ARFGEF3: variants seen among roughly 807,000 people sequenced by gnomAD.
The protein encoded by ARFGEF3 is ARFGEF family member 3.
Under a neutral mutation model 221.7 loss-of-function variants are expected in ARFGEF3, and 96 were observed. The ratio of observed to expected loss-of-function variants is 0.43; its 90% CI spans 0.37 to 0.51. ARFGEF3 has a LOEUF of 0.51. ARFGEF3 is among the 20% of genes least tolerant of loss of function. The pLI, the probability that ARFGEF3 is intolerant of heterozygous loss-of-function variation, is 0.00. For synonymous variants in ARFGEF3, 1,145 were observed against 1,126.8 expected, an observed-to-expected ratio of 1.02 and a Z score of -0.32; for missense variants, 2,410 against 2,789.9, an observed-to-expected ratio of 0.86 and a Z score of 3.07.
At chr6:138,213,601 T>C (rs1777777414) in intron 4 of ARFGEF3, among the ~76,000 whole-genome samples, 1 of 151,778 alleles carries the variant, frequency 6.6e-6, no homozygotes, top group Non-Finnish European at 1.5e-5. Flanking sequence ...ACAAATACCA[T>C]GATTTCACTC....
intron 12 of ARFGEF3, among the ~76,000 whole-genome samples, chr6:138,275,044 T>C (rs890551871): frequency 3.3e-5 from 5 of 151,804 alleles, no homozygotes; most frequent in African/African-American, 9.7e-5. Flanking sequence ...GAGGCAGAGG[T>C]TGCAGTGAGC....
Position 138,297,518 on chromosome 6 carries a change from G to A in ARFGEF3, c.3648+563G>A, listed in dbSNP as rs545093225. Among the ~76,000 whole-genome samples the A allele has an allele frequency of 2.0e-5, 3 of 152,312 alleles. No homozygotes were observed. In the East Asian group the frequency reaches 5.8e-4, roughly 29 times the overall value. On this transcript the variant is annotated intron_variant, in intron 21 of 33. Coordinates refer to ENST00000251691, the MANE Select transcript of ARFGEF3 (RefSeq NM_020340.5). ...GGACTGGCCACTTCCAAGTTGACAG[G>A]GAAAACTGTTGCCCTGCTTTGCAGT...
chr6:138,293,882 G>A, intron 19 of ARFGEF3, 111 bp from the exon 20 acceptor site: 1 of 1,064,618 alleles, frequency 9.4e-7, no homozygotes, highest in Non-Finnish European at 1.4e-6. Flanking sequence ...TGTCTACAGT[G>A]TTTACACAGC....
chr6:138,248,395 C>A (rs1186616473), intron 8 of ARFGEF3, among the ~76,000 whole-genome samples: 1 of 152,146 alleles, frequency 6.6e-6, no homozygotes, highest in Non-Finnish European at 1.5e-5. Context: ...CTGCTCCACC[C>A]CCAGGTCCTA....
intron 19 of ARFGEF3, 49 bp from the exon 20 acceptor site, chr6:138,293,944 C>G: frequency 6.3e-7 from 1 of 1,589,754 alleles, no homozygotes; most frequent in Non-Finnish European, 8.6e-7. Flanking sequence ...GCCATAAAGA[C>G]CTTGCTGAAT....
At chr6:138,210,125 T>C in intron 4 of ARFGEF3, 84 bp downstream of exon 4, 2 of 1,391,366 alleles carry the variant, frequency 1.4e-6, no homozygotes, top group South Asian at 2.7e-5. Context: ...AAAATGCCTC[T>C]GCGTTGTGGT....
intron 18 of ARFGEF3, among the ~76,000 whole-genome samples, chr6:138,290,284 C>G (rs950422300): frequency 6.6e-6 from 1 of 152,178 alleles, no homozygotes; most frequent in Non-Finnish European, 1.5e-5. Context: ...TAAGTGAATA[C>G]TGTGCAAATC....
Position 138,238,622 on chromosome 6 carries a change from G to A in ARFGEF3, c.534G>A (p.Gln178=), listed in dbSNP as rs752025936. The change falls in exon 6 of 34, where the codon CAG becomes CAA. Residue 178 remains glutamine (Q), a synonymous_variant. Coordinates refer to ENST00000251691, the MANE Select transcript of ARFGEF3 (RefSeq NM_020340.5). ...SDLTLQLRQR[Q]ENTIIENPDV... is the part of the protein sequence containing the mutation. ...TGACTTTACAGTTACGACAGAGGCA[G>A]GAGAATACGGTGAGTCTGTGACACC... The A allele has an allele frequency of 6.2e-7, 1 of 1,613,486 alleles. No individual in the cohort carries two copies. Among genetic ancestry groups the A allele is most frequent in the South Asian group, 1.1e-5 (1 of 91,022 alleles).
At chr6:138,285,729 G>A (rs1332934769) in intron 14 of ARFGEF3, among the ~76,000 whole-genome samples, 1 of 152,010 alleles carries the variant, frequency 6.6e-6, no homozygotes, top group Non-Finnish European at 1.5e-5. Flanking sequence ...ATAAAGATAG[G>A]CAACAATGTA....
intron 12 of ARFGEF3, among the ~76,000 whole-genome samples, chr6:138,271,678 G>T (rs551258112): frequency 1.3e-5 from 2 of 152,314 alleles, no homozygotes; most frequent in East Asian, 3.9e-4. Flanking sequence ...TCATTACACT[G>T]CACAGTACCA....
At chr6:138,233,205 A>T (rs1042393873) in intron 5 of ARFGEF3, among the ~76,000 whole-genome samples, 1 of 152,208 alleles carries the variant, frequency 6.6e-6, no homozygotes, top group Non-Finnish European at 1.5e-5. Flanking sequence ...ATTATATATA[A>T]CACATCAGAG....
At chr6:138,271,077 TTTGC>T (rs1778996225) in intron 12 of ARFGEF3, among the ~76,000 whole-genome samples, 1 of 151,964 alleles carries the variant, frequency 6.6e-6, no homozygotes, top group African/African-American at 2.4e-5. Flanking sequence ...AGGCTGAGAG[TTTGC>T]TTGCTTGCTT....
rs371607332 is a variant in ARFGEF3 at position 138,285,898 on chromosome 6, G to T, written c.2462-48G>T. Reference sequence around the variant, plus strand: ...TTGTGGTGGCCATTTGCTTGTTTTTGACTGGAGTGTTTTATTTAGGGAAAA... The same window carrying T: ...TTGTGGTGGCCATTTGCTTGTTTTTTACTGGAGTGTTTTATTTAGGGAAAA... On this transcript the variant is annotated intron_variant, in intron 14 of 33. Transcript: ENST00000251691. The T allele has an allele frequency of 4.8e-5, 54 of 1,132,618 alleles. 1 individual carries two copies. In the Middle Eastern group the frequency reaches 5.8e-4, roughly 12 times the overall value. The allele number at this position is 1,132,618 out of a possible 1,614,324, so 70.2% of individuals were successfully genotyped here. A position where few individuals can be genotyped will look rare whatever the true frequency, so the allele number is the denominator to read the frequency against.
At chr6:138,256,735 TA>T (rs1206956511) in intron 10 of ARFGEF3, among the ~76,000 whole-genome samples, 2 of 152,110 alleles carry the variant, frequency 1.3e-5, no homozygotes, top group East Asian at 1.9e-4. Context: ...ACTTCACATA[TA>T]TTTTTTTAAT....
chr6:138,259,087 T>C (rs1450917343), intron 10 of ARFGEF3, among the ~76,000 whole-genome samples: 2 of 152,166 alleles, frequency 1.3e-5, no homozygotes, highest in African/African-American at 4.8e-5. Context: ...CCCAAGGAGC[T>C]CAGCAGACTG....
rs994178569 is a variant in ARFGEF3, at chr6:138,323,851, A to G, written c.4869+78A>G. ...CCTGATCCCTTACCATGTTGGGCACATGGGTTCTGCCTCCTCTGAGCAGGC... is the reference window on the plus strand; with the variant it reads ...CCTGATCCCTTACCATGTTGGGCACGTGGGTTCTGCCTCCTCTGAGCAGGC... On this transcript the variant is annotated intron_variant, in intron 30 of 33. Transcript: ENST00000251691. The G allele has an allele frequency of 1.2e-5, 18 of 1,560,676 alleles. No individual in the cohort carries two copies. In the South Asian group the frequency reaches 1.3e-4, roughly 12 times the overall value.
At chr6:138,236,615 C>A (rs2114544084) in intron 5 of ARFGEF3, among the ~76,000 whole-genome samples, 1 of 152,254 alleles carries the variant, frequency 6.6e-6, no homozygotes, top group Non-Finnish European at 1.5e-5. Context: ...TATAGGCGTG[C>A]ACCACCATGC....
intron 29 of ARFGEF3, among the ~76,000 whole-genome samples, chr6:138,323,436 A>T (rs1184830586): frequency 6.6e-6 from 1 of 152,002 alleles, no homozygotes; most frequent in Non-Finnish European, 1.5e-5. Flanking sequence ...ACATGGAGAA[A>T]CCCCATCTCT....
chr6:138,191,403 CG>C (rs774308209), intron 2 of ARFGEF3, among the ~76,000 whole-genome samples: 16 of 152,092 alleles, frequency 1.1e-4, no homozygotes, highest in Non-Finnish European at 2.1e-4. Context: ...GGTACTGGCA[CG>C]AAATGGACAT....
Sources: allele counts gnomAD v4.1 joint callset (sites outside exome capture counted in the v4.1 genomes callset), GRCh38; gene constraint gnomAD v4.1.1; transcripts MANE v1.5; gene names NCBI Gene and HGNC (gene_info 2026-07-23, HGNC 2026-07-21).